Variants in FHIT observed in about 807,000 individuals in gnomAD.
FHIT encodes bis(5'-adenosyl)-triphosphatase.
FHIT carries 19 observed loss-of-function variants against 17.9 expected under a neutral mutation model. The ratio of observed to expected loss-of-function variants is 1.06; its 90% CI spans 0.74 to 1.56. FHIT has a LOEUF of 1.56. Among genes scored for constraint, FHIT ranks in the 40% most tolerant of loss-of-function variants. The pLI, the probability that FHIT is intolerant of heterozygous loss-of-function variation, is 0.00. For synonymous variants in FHIT, 81 were observed against 69.7 expected (o/e 1.16, Z -0.81); for missense variants, 248 against 189.2 (o/e 1.31, Z -1.82).
chr3:60,103,714 A>T (rs1358670035), intron 5 of FHIT, among the ~76,000 whole-genome samples: 2 of 152,194 alleles, frequency 1.3e-5, no homozygotes, highest in African/African-American at 4.8e-5. Context: ...AAGACTGGTC[A>T]GTTAGCCCTC....
intron 4 of FHIT, among the ~76,000 whole-genome samples, chr3:60,748,973 A>T (rs1433212411): frequency 2.6e-5 from 4 of 152,190 alleles, no homozygotes; most frequent in Admixed American, 2.6e-4. Flanking sequence ...AATAGTTTTG[A>T]TCCACTGTTA....
chr3:60,982,523 G>A (rs945278813), intron 3 of FHIT, among the ~76,000 whole-genome samples: 3 of 152,018 alleles, frequency 2.0e-5, no homozygotes, highest in Non-Finnish European at 2.9e-5. Flanking sequence ...TCATTTCTTC[G>A]AACACATCTT....
chr3:59,893,454 A>G (rs964542284), intron 8 of FHIT, among the ~76,000 whole-genome samples: 2 of 152,216 alleles, frequency 1.3e-5, no homozygotes, highest in Non-Finnish European at 2.9e-5. Flanking sequence ...ATGCTCTAAT[A>G]TGGAAAAAAG....
chr3:60,272,171 C>T (rs1420480123), intron 5 of FHIT, among the ~76,000 whole-genome samples: 1 of 152,184 alleles, frequency 6.6e-6, no homozygotes, highest in Non-Finnish European at 1.5e-5. Context: ...CAAAACCAGA[C>T]ACAATTTTAA....
chr3:60,134,642 A>G (rs984982877), intron 5 of FHIT, among the ~76,000 whole-genome samples: 2 of 152,196 alleles, frequency 1.3e-5, no homozygotes, highest in African/African-American at 4.8e-5. Context: ...TACTTCCACA[A>G]TAATGGGCTC....
chr3:60,561,137 A>G (rs2107643893), intron 4 of FHIT, among the ~76,000 whole-genome samples: 1 of 152,036 alleles, frequency 6.6e-6, no homozygotes, highest in African/African-American at 2.4e-5. Context: ...CTACTGTTGT[A>G]CACCAAACCA....
At chr3:59,868,596 A>G (rs1459937309) in intron 8 of FHIT, among the ~76,000 whole-genome samples, 1 of 152,204 alleles carries the variant, frequency 6.6e-6, no homozygotes, top group Non-Finnish European at 1.5e-5. Flanking sequence ...AGAACCTCAA[A>G]CAAATATTAC....
At chr3:60,081,139 A>C (rs1224508641) in intron 5 of FHIT, among the ~76,000 whole-genome samples, 1 of 152,148 alleles carries the variant, frequency 6.6e-6, no homozygotes, top group Non-Finnish European at 1.5e-5. Context: ...AGTTTGGTGC[A>C]GGAATGTTCC....
chr3:61,106,369 T>C (rs1254213432), intron 2 of FHIT, among the ~76,000 whole-genome samples: 1 of 152,158 alleles, frequency 6.6e-6, no homozygotes, highest in African/African-American at 2.4e-5. Context: ...ATTATTATTA[T>C]TAACTGTAGT....
At chr3:60,036,491 T>C (rs1701223065) in intron 5 of FHIT, among the ~76,000 whole-genome samples, 1 of 152,208 alleles carries the variant, frequency 6.6e-6, no homozygotes. Flanking sequence ...CTCCAAAGAC[T>C]TCGAATACCC....
intron 8 of FHIT, among the ~76,000 whole-genome samples, chr3:59,894,828 A>T (rs1559706669): frequency 6.6e-6 from 1 of 152,248 alleles, no homozygotes; most frequent in African/African-American, 2.4e-5. Flanking sequence ...AAGTGAATAA[A>T]GCATCAAAAG....
At chr3:59,899,293 T>A (rs1452210999) in intron 8 of FHIT, among the ~76,000 whole-genome samples, 5 of 152,184 alleles carry the variant, frequency 3.3e-5, no homozygotes, top group African/African-American at 1.2e-4. Flanking sequence ...AATGATCTCA[T>A]CTGAGCAGGC....
At chr3:60,557,465 A>C (rs1255692848) in intron 4 of FHIT, among the ~76,000 whole-genome samples, 1 of 152,086 alleles carries the variant, frequency 6.6e-6, no homozygotes, top group Non-Finnish European at 1.5e-5. Flanking sequence ...AATCACTGCT[A>C]CCCACAGAGT....
intron 2 of FHIT, among the ~76,000 whole-genome samples, chr3:61,190,972 C>T (rs1445387593): frequency 2.0e-5 from 3 of 151,442 alleles, no homozygotes; most frequent in Non-Finnish European, 4.4e-5. Flanking sequence ...AGGAGATACA[C>T]CTAATGCTAA....
intron 5 of FHIT, 97 bp from the exon 6 acceptor site, chr3:60,014,249 C>T (rs1000991615): frequency 1.6e-6 from 2 of 1,221,854 alleles, no homozygotes; most frequent in African/African-American, 1.5e-5. Flanking sequence ...CGGACCAGGG[C>T]CTGAACTCTC....
At chr3:60,176,889 T>G (rs1229881935) in intron 5 of FHIT, among the ~76,000 whole-genome samples, 6 of 152,138 alleles carry the variant, frequency 3.9e-5, no homozygotes, top group African/African-American at 1.2e-4. Context: ...ACTTAATGTT[T>G]TCTCCAATTC....
intron 1 of FHIT, among the ~76,000 whole-genome samples, chr3:61,235,245 C>A (rs2040199717): frequency 6.6e-6 from 1 of 152,184 alleles, no homozygotes; most frequent in African/African-American, 2.4e-5. Flanking sequence ...GGGTCCATAT[C>A]TTAGGCCCAC....
chr3:60,983,866 T>C (rs926447956), intron 3 of FHIT, among the ~76,000 whole-genome samples: 1 of 152,144 alleles, frequency 6.6e-6, no homozygotes, highest in Non-Finnish European at 1.5e-5. Context: ...CACTTCTTCA[T>C]ACAGAGCTGT....
chr3:61,008,471 GGC>G (rs2031588794), intron 3 of FHIT, among the ~76,000 whole-genome samples: 1 of 151,990 alleles, frequency 6.6e-6, no homozygotes, highest in African/African-American at 2.4e-5. Flanking sequence ...AGGAGTCTGG[GGC>G]TAGGAAGAAA....
Sources: allele counts gnomAD v4.1 joint callset (sites outside exome capture counted in the v4.1 genomes callset), GRCh38; gene constraint gnomAD v4.1.1; transcripts MANE v1.5; gene names NCBI Gene and HGNC (gene_info 2026-07-23, HGNC 2026-07-21).